Variants in SAMSN1 observed in about 807,000 individuals in gnomAD.
The protein encoded by SAMSN1 is SAM domain, SH3 domain and nuclear localization signals 1, also known as SAM domain-containing protein SAMSN-1.
In SAMSN1, 31 loss-of-function variants were observed where a neutral mutation model predicts 42.0. The observed-to-expected ratio is 0.74, with a 90% CI of 0.55 to 1.00. The LOEUF (loss-of-function observed/expected upper bound fraction) is 1.00. Ranked by LOEUF, SAMSN1 falls within the 50% of genes least tolerant of loss-of-function variation. The pLI is 0.00. For missense variants in SAMSN1, 464 were observed against 439.4 expected (o/e 1.06, Z -0.50); for synonymous variants, 178 against 151.9 (o/e 1.17, Z -1.26).
chr21:14,626,673 T>C (rs1323869691), intron 2 of SAMSN1, among the ~76,000 whole-genome samples: 3 of 152,228 alleles, frequency 2.0e-5, no homozygotes, highest in Non-Finnish European at 4.4e-5. Context: ...TTTTACACTG[T>C]TGGTGGGACT....
In SAMSN1 at chr21:14,595,061, C is replaced by A. The variant is rs113968555; in HGVS notation, c.400-983G>T. Among the ~76,000 whole-genome samples the A allele has an allele frequency of 8.4e-3, 1,272 of 152,138 alleles. 21 individuals carry two copies. The highest frequency in any genetic ancestry group is 0.03 in the African/African-American group (1,225 of 41,512). ...GGAGGGGCTACACACTTGTAAACAA[C>A]CAGATCTCATGAGAACTCACTTACT... On this transcript the variant is annotated intron_variant, in intron 6 of 15. Coordinates refer to the SAMSN1 transcript ENST00000647101.
intron 2 of SAMSN1, among the ~76,000 whole-genome samples, chr21:14,622,919 C>A (rs1983053608): frequency 6.6e-6 from 1 of 152,232 alleles, no homozygotes; most frequent in African/African-American, 2.4e-5. Flanking sequence ...AACAGCGGAC[C>A]TCTCAGCAGA....
intron 2 of SAMSN1, among the ~76,000 whole-genome samples, chr21:14,563,416 ACT>A (rs1353306432): frequency 2.6e-5 from 4 of 152,154 alleles, no homozygotes; most frequent in Non-Finnish European, 5.9e-5. Flanking sequence ...TTAAATTAAG[ACT>A]CTGTAAGTAT....
chr21:14,503,512 A>G (rs968463238), intron 5 of SAMSN1, among the ~76,000 whole-genome samples: 1 of 152,210 alleles, frequency 6.6e-6, no homozygotes, highest in African/African-American at 2.4e-5. Flanking sequence ...AGAAACTGTG[A>G]GCCAGCAATA....
chr21:14,546,897 G>T (rs748902920), upstream of SAMSN1, among the ~76,000 whole-genome samples: 2 of 152,000 alleles, frequency 1.3e-5, no homozygotes, highest in Non-Finnish European at 2.9e-5. Context: ...TTTTAGTAGA[G>T]ATGGGGTTTC....
intron 2 of SAMSN1, among the ~76,000 whole-genome samples, chr21:14,559,496 C>T (rs1235280489): frequency 6.6e-6 from 1 of 152,036 alleles, no homozygotes; most frequent in Non-Finnish European, 1.5e-5. Flanking sequence ...GAGAATCTGT[C>T]TCTTTCTGTC....
At chr21:14,612,677 T>C (rs1982738448) in intron 4 of SAMSN1, 1 of 639,282 alleles carries the variant, frequency 1.6e-6, no homozygotes, top group Non-Finnish European at 3.0e-6. Flanking sequence ...ATATTGCAAA[T>C]AAATCAATGA....
chr21:14,647,665 G>A (rs1025700687), intron 1 of SAMSN1, among the ~76,000 whole-genome samples: 24 of 138,974 alleles, frequency 1.7e-4, no homozygotes, highest in African/African-American at 6.0e-4. Context: ...ATTTCCTTGA[G>A]CATTGGTTTG....
intron 1 of SAMSN1, among the ~76,000 whole-genome samples, chr21:14,530,199 C>T (rs1436308701): frequency 6.6e-6 from 1 of 151,818 alleles, no homozygotes; most frequent in Non-Finnish European, 1.5e-5. Flanking sequence ...TGCCTGTAGT[C>T]CCAGCTACTT....
intron 7 of SAMSN1, chr21:14,592,049 A>G (rs1466737634): frequency 6.6e-6 from 1 of 152,150 alleles, no homozygotes; most frequent in Non-Finnish European, 1.5e-5. Context: ...CACACTGCCA[A>G]GCTAGCTGGG....
upstream of SAMSN1, among the ~76,000 whole-genome samples, chr21:14,584,461 G>A (rs1981856780): frequency 1.3e-5 from 2 of 152,128 alleles, no homozygotes; most frequent in African/African-American, 2.4e-5. Flanking sequence ...TTCTTTAAAA[G>A]ATTCAGGAAT....
At chr21:14,638,413 C>T (rs1416689650) in intron 2 of SAMSN1, among the ~76,000 whole-genome samples, 1 of 152,118 alleles carries the variant, frequency 6.6e-6, no homozygotes, top group Non-Finnish European at 1.5e-5. Context: ...TCAATTGCCA[C>T]CTGTGGTTGT....
intron 1 of SAMSN1, among the ~76,000 whole-genome samples, chr21:14,543,746 A>G (rs532699664): frequency 6.6e-6 from 1 of 152,252 alleles, no homozygotes; most frequent in African/African-American, 2.4e-5. Flanking sequence ...GTCAGTTTTT[A>G]CCCTACTATA....
At chr21:14,618,488 C>T (rs1160056046) in intron 2 of SAMSN1, among the ~76,000 whole-genome samples, 2 of 152,138 alleles carry the variant, frequency 1.3e-5, no homozygotes, top group Non-Finnish European at 2.9e-5. Context: ...ACTGCTTATA[C>T]CAGACTCAAA....
At position 14,575,095 on chromosome 21, in the gene SAMSN1, C is replaced by G. The variant is rs367643836; in HGVS notation, c.261+7041G>C. 2.2e-4 allele frequency among the ~76,000 whole-genome samples: 34 copies of G among 152,268 alleles called. 6 individuals carry two copies. Among genetic ancestry groups the G allele is most frequent in the Admixed American group, 1.2e-3 (19 of 15,292 alleles). ...ACACACATGCATACTTCTAAGCTCTCAAGTTCATAGACTGGATGGCTTAGG... is the reference window on the plus strand; with the variant it reads ...ACACACATGCATACTTCTAAGCTCTGAAGTTCATAGACTGGATGGCTTAGG... On this transcript the variant is annotated intron_variant, in intron 2 of 8. Coordinates refer to the SAMSN1 transcript ENST00000285670.
At chr21:14,609,558 A>G (rs1600961455) in exon 5 of SAMSN1, 1 of 717,972 alleles carries the variant, frequency 1.4e-6, no homozygotes, top group Non-Finnish European at 2.6e-6. Context: ...TGTCATTCAC[A>G]GTTTTTCCTT....
chr21:14,519,900 C>A (rs1242669396), intron 2 of SAMSN1, among the ~76,000 whole-genome samples: 3 of 151,994 alleles, frequency 2.0e-5, no homozygotes, highest in Non-Finnish European at 4.4e-5. Context: ...CATATGTGGC[C>A]CCTACTTTAT....
intron 2 of SAMSN1, among the ~76,000 whole-genome samples, chr21:14,574,925 T>C (rs953726503): frequency 2.0e-5 from 3 of 152,310 alleles, no homozygotes; most frequent in Admixed American, 2.0e-4. Context: ...GAGACCTTTT[T>C]TCAGGCTTAT....
At chr21:14,637,324 A>G (rs1346464674) in intron 2 of SAMSN1, among the ~76,000 whole-genome samples, 1 of 152,260 alleles carries the variant, frequency 6.6e-6, no homozygotes, top group Non-Finnish European at 1.5e-5. Context: ...AAACAAGCAT[A>G]CAAAAATCTC....
Sources: gnomAD v4.1 joint callset for allele counts (sites outside exome capture counted in the v4.1 genomes callset) on GRCh38, gnomAD v4.1.1 for gene constraint, MANE v1.5 for transcripts, NCBI Gene and HGNC (gene_info 2026-07-23, HGNC 2026-07-21) for gene names.